Variants in COX16 observed in about 807,000 individuals in gnomAD.
COX16 encodes the protein cytochrome c oxidase assembly protein COX16 homolog, mitochondrial.
Under a neutral mutation model 15.4 loss-of-function variants are expected in COX16, and 12 were observed. That is an observed-to-expected ratio of 0.78 (90% CI 0.50 to 1.26). The LOEUF (loss-of-function observed/expected upper bound fraction) is 1.26, where lower values mean the gene tolerates loss of function less well. COX16 is among the 50% of genes most tolerant of loss of function. The probability of loss-of-function intolerance (pLI) is 0.00; values close to 1 mark genes in which losing one functional copy is unlikely to be tolerated. For missense variants in COX16, 124 were observed against 127.6 expected (o/e 0.97, Z 0.14); for synonymous variants, 46 against 41.1 (o/e 1.12, Z -0.46).
At chr14:70,327,405 A>C (rs1312721871) in intron 3 of COX16, among the ~76,000 whole-genome samples, 1 of 152,180 alleles carries the variant, frequency 6.6e-6, no homozygotes, top group African/African-American at 2.4e-5. Context: ...TAGAAGGAAA[A>C]TCTACTCCCA....
intron 1 of COX16, among the ~76,000 whole-genome samples, chr14:70,348,069 G>A (rs765709657): frequency 1.3e-5 from 2 of 151,932 alleles, no homozygotes; most frequent in Non-Finnish European, 2.9e-5. Flanking sequence ...GTTGCACTAG[G>A]TGTTCTAACC....
At position 70,333,923 on chromosome 14, in the gene COX16, A is replaced by T. The variant is rs375983553; in HGVS notation, c.142-4687T>A. On this transcript the variant is annotated intron_variant, in intron 2 of 3. Transcript: ENST00000389912. ...ACTATAAAGGCCAGAAGAGAGTGGGACAATATATTTAGAGTGCTGAGGAAA... is the reference window on the plus strand; with the variant it reads ...ACTATAAAGGCCAGAAGAGAGTGGGTCAATATATTTAGAGTGCTGAGGAAA... 3.9e-5 allele frequency among the ~76,000 whole-genome samples: 6 copies of T among 152,328 alleles called. 1 individual carries two copies. The highest frequency in any genetic ancestry group is 1.2e-4 in the African/African-American group (5 of 41,576).
chr14:70,357,332 C>G (rs1887161895), intron 1 of COX16, among the ~76,000 whole-genome samples: 1 of 151,858 alleles, frequency 6.6e-6, no homozygotes, highest in South Asian at 2.1e-4. Flanking sequence ...GTGTACATGC[C>G]CAGAGCAATG....
At chr14:70,338,577 T>A (rs1886529447) in intron 2 of COX16, among the ~76,000 whole-genome samples, 1 of 152,058 alleles carries the variant, frequency 6.6e-6, no homozygotes, top group Non-Finnish European at 1.5e-5. Flanking sequence ...CTGGTACCAG[T>A]CCCCCTTTTG....
intron 1 of COX16, 56 bp downstream of exon 1, chr14:70,359,463 T>A: frequency 6.7e-7 from 1 of 1,487,786 alleles, no homozygotes; most frequent in Non-Finnish European, 9.4e-7. Flanking sequence ...CAGGTCTTGA[T>A]CCTGCCAAGG....
chr14:70,340,264 G>T (rs1287392653), intron 2 of COX16, among the ~76,000 whole-genome samples: 1 of 152,158 alleles, frequency 6.6e-6, no homozygotes, highest in East Asian at 1.9e-4. Flanking sequence ...GCCATGTGAA[G>T]AAGGTCATGT....
intron 1 of COX16, among the ~76,000 whole-genome samples, chr14:70,352,828 C>T (rs1372300712): frequency 6.6e-6 from 1 of 151,662 alleles, no homozygotes; most frequent in Non-Finnish European, 1.5e-5. Flanking sequence ...AATGGAATTT[C>T]TGGGTCAGAT....
chr14:70,345,807 G>A (rs967623365), intron 1 of COX16, among the ~76,000 whole-genome samples: 23 of 151,336 alleles, frequency 1.5e-4, no homozygotes, highest in Non-Finnish European at 7.4e-5. Flanking sequence ...TTCTCCTCCC[G>A]ACCCTACCTC....
intron 1 of COX16, among the ~76,000 whole-genome samples, chr14:70,353,479 C>G (rs1466782821): frequency 1.4e-5 from 2 of 140,628 alleles, no homozygotes; most frequent in African/African-American, 2.5e-5. Flanking sequence ...TATATACATA[C>G]ACACACACAT....
At position 70,326,190 on chromosome 14, in the gene COX16, A is replaced by G; in HGVS notation, c.*143T>C. ...AAAACCTGTACATGACCTTTAGTGA[A>G]GATTATTTGTCATCAAATTACCCAT... On this transcript the variant is annotated 3_prime_UTR_variant, in exon 4 of 4. Coordinates refer to ENST00000389912, the MANE Select transcript of COX16 (RefSeq NM_016468.7). The G allele has an allele frequency of 1.8e-6, 1 of 546,856 alleles. No individual in the cohort carries two copies. The highest frequency in any genetic ancestry group is 2.8e-6 in the Non-Finnish European group (1 of 357,658). 33.9% of individuals were successfully genotyped at this position (546,856 alleles called of 1,614,324 possible). A position where few individuals can be genotyped will look rare whatever the true frequency, so the allele number is the denominator to read the frequency against.
At chr14:70,338,040 G>A (rs1297123800) in intron 2 of COX16, among the ~76,000 whole-genome samples, 1 of 152,170 alleles carries the variant, frequency 6.6e-6, no homozygotes, top group Admixed American at 6.5e-5. Context: ...ACAAGATAAT[G>A]AACAATTTTT....
At chr14:70,347,998 C>G (rs1448063838) in intron 1 of COX16, among the ~76,000 whole-genome samples, 1 of 152,092 alleles carries the variant, frequency 6.6e-6, no homozygotes, top group Non-Finnish European at 1.5e-5. Context: ...ATCTCAGCCC[C>G]CATCCTCACT....
intron 1 of COX16, among the ~76,000 whole-genome samples, chr14:70,344,152 T>C (rs577292694): frequency 1.3e-5 from 2 of 152,168 alleles, no homozygotes; most frequent in Admixed American, 1.3e-4. Flanking sequence ...TCTCAAGAAC[T>C]GATGTTAGGT....
At chr14:70,331,321 A>C (rs1012790287) in intron 2 of COX16, among the ~76,000 whole-genome samples, 1 of 152,024 alleles carries the variant, frequency 6.6e-6, no homozygotes, top group African/African-American at 2.4e-5. Context: ...TATTAAACTT[A>C]AGAAAATTTG....
At chr14:70,358,847 G>A (rs1478833634) in intron 1 of COX16, among the ~76,000 whole-genome samples, 1 of 152,176 alleles carries the variant, frequency 6.6e-6, no homozygotes, top group Non-Finnish European at 1.5e-5. Context: ...TGCATTTCAT[G>A]ACATCCTTAG....
chr14:70,346,183 T>C (rs577693991), intron 1 of COX16, among the ~76,000 whole-genome samples: 5 of 152,264 alleles, frequency 3.3e-5, no homozygotes, highest in Middle Eastern at 3.4e-3. Context: ...ACCCCCGATA[T>C]TCGGTGCAAG....
chr14:70,357,234 G>C (rs67434384), intron 1 of COX16, among the ~76,000 whole-genome samples: 10,606 of 145,282 alleles, frequency 0.073, 544 homozygotes, highest in Non-Finnish European at 0.11. Flanking sequence ...TGATGTGGTA[G>C]ATAATAGGAA....
chr14:70,359,363 G>C, intron 1 of COX16, 156 bp downstream of exon 1: 1 of 705,056 alleles, frequency 1.4e-6, no homozygotes. Context: ...AAGACTGGTG[G>C]AAGAGCTTTT....
chr14:70,327,567 A>G (rs1173844402), intron 3 of COX16, among the ~76,000 whole-genome samples: 1 of 152,194 alleles, frequency 6.6e-6, no homozygotes, highest in Non-Finnish European at 1.5e-5. Flanking sequence ...ACATATATAC[A>G]TGAAGGAACA....
Sources: gnomAD v4.1 joint callset for allele counts (sites outside exome capture counted in the v4.1 genomes callset) on GRCh38, gnomAD v4.1.1 for gene constraint, MANE v1.5 for transcripts, NCBI Gene and HGNC (gene_info 2026-07-23, HGNC 2026-07-21) for gene names.